BMP5: variants seen among roughly 807,000 people sequenced by gnomAD.
BMP5 encodes bone morphogenetic protein 5.
BMP5 carries 23 observed loss-of-function variants against 46.6 expected under a neutral mutation model. The ratio of observed to expected loss-of-function variants is 0.49; its 90% CI spans 0.35 to 0.70. BMP5 has a LOEUF of 0.70. BMP5 is among the 30% of genes least tolerant of loss of function. The pLI is 0.00. For missense variants in BMP5, 545 were observed against 565.6 expected, an observed-to-expected ratio of 0.96 and a Z score of 0.37; for synonymous variants, 204 against 191.9, an observed-to-expected ratio of 1.06 and a Z score of -0.52.
At chr6:55,821,106 A>C (rs1481424300) in intron 1 of BMP5, among the ~76,000 whole-genome samples, 1 of 152,186 alleles carries the variant, frequency 6.6e-6, no homozygotes, top group Non-Finnish European at 1.5e-5. Flanking sequence ...AAGCATTAAG[A>C]TTATGGAAGG....
At chr6:55,845,876 A>G (rs1472599177) in intron 1 of BMP5, among the ~76,000 whole-genome samples, 2 of 151,982 alleles carry the variant, frequency 1.3e-5, no homozygotes, top group Non-Finnish European at 2.9e-5. Context: ...GTATTTGGGA[A>G]CAAGAACACC....
chr6:55,771,525 G>A (rs889807589), intron 4 of BMP5, among the ~76,000 whole-genome samples: 12 of 151,800 alleles, frequency 7.9e-5, no homozygotes, highest in Non-Finnish European at 1.5e-4. Context: ...CTGTCAGCAC[G>A]TTAATTTACT....
intron 1 of BMP5, among the ~76,000 whole-genome samples, chr6:55,831,756 CA>C (rs1475327251): frequency 6.6e-6 from 1 of 151,968 alleles, no homozygotes; most frequent in Admixed American, 6.6e-5. Context: ...ATCTGAAGTA[CA>C]AAAAATTTCA....
intron 1 of BMP5, among the ~76,000 whole-genome samples, chr6:55,859,606 A>G (rs1777482581): frequency 6.6e-6 from 1 of 152,224 alleles, no homozygotes; most frequent in African/African-American, 2.4e-5. Flanking sequence ...TTTTTAAAGT[A>G]TAAGAGGAAA....
At chr6:55,827,313 A>C (rs1013036694) in intron 1 of BMP5, among the ~76,000 whole-genome samples, 2 of 151,690 alleles carry the variant, frequency 1.3e-5, no homozygotes, top group Non-Finnish European at 3.0e-5. Context: ...TAAATTAATC[A>C]TTTGGTATCT....
chr6:55,838,833 A>G (rs1776885587), intron 1 of BMP5, among the ~76,000 whole-genome samples: 1 of 152,208 alleles, frequency 6.6e-6, no homozygotes, highest in Admixed American at 6.5e-5. Context: ...TAAACTGTAA[A>G]TAACATGTTC....
intron 1 of BMP5, among the ~76,000 whole-genome samples, chr6:55,825,354 A>T (rs574599868): frequency 6.6e-6 from 1 of 151,902 alleles, no homozygotes; most frequent in East Asian, 1.9e-4. Context: ...ATAATTTATT[A>T]TTATATTTTG....
At chr6:55,853,389 G>C (rs1450682418) in intron 1 of BMP5, among the ~76,000 whole-genome samples, 1 of 135,360 alleles carries the variant, frequency 7.4e-6, no homozygotes, top group African/African-American at 2.8e-5. Flanking sequence ...ATAGGAAACA[G>C]AATCAAGTTT....
chr6:55,860,745 A>G (rs1333049560), intron 1 of BMP5, among the ~76,000 whole-genome samples: 1 of 152,188 alleles, frequency 6.6e-6, no homozygotes, highest in Non-Finnish European at 1.5e-5. Flanking sequence ...AACTGTACCT[A>G]CTTTTCATAA....
chr6:55,829,863 A>C (rs1024007157), intron 1 of BMP5, among the ~76,000 whole-genome samples: 2 of 151,976 alleles, frequency 1.3e-5, no homozygotes, highest in African/African-American at 2.4e-5. Context: ...TATGCATATA[A>C]AAATATTCCA....
chr6:55,827,740 A>T (rs1419472402), intron 1 of BMP5, among the ~76,000 whole-genome samples: 1 of 151,858 alleles, frequency 6.6e-6, no homozygotes, highest in East Asian at 1.9e-4. Flanking sequence ...GTCAAAAATT[A>T]GCTTAGAATA....
At chr6:55,834,883 C>T (rs143117099) in intron 1 of BMP5, among the ~76,000 whole-genome samples, 2 of 152,176 alleles carry the variant, frequency 1.3e-5, no homozygotes, top group South Asian at 2.1e-4. Flanking sequence ...AAGTTCGAGA[C>T]CAGCCTGGCT....
At chr6:55,863,509 T>C (rs1015215831) in intron 1 of BMP5, among the ~76,000 whole-genome samples, 1 of 152,172 alleles carries the variant, frequency 6.6e-6, no homozygotes, top group Non-Finnish European at 1.5e-5. Context: ...TGTGGATAAA[T>C]TGAAATAACG....
At chr6:55,785,487 C>T (rs1337827013) in intron 3 of BMP5, among the ~76,000 whole-genome samples, 3 of 151,684 alleles carry the variant, frequency 2.0e-5, no homozygotes, top group South Asian at 2.1e-4. Context: ...TTATGTTCTC[C>T]GATGTGCTTT....
At chr6:55,757,325 G>C (rs1292992536) in intron 6 of BMP5, among the ~76,000 whole-genome samples, 1 of 151,860 alleles carries the variant, frequency 6.6e-6, no homozygotes, top group Non-Finnish European at 1.5e-5. Context: ...AAGAGGCAAA[G>C]AATTTTCTGA....
At chr6:55,778,498 C>T (rs936798344) in intron 3 of BMP5, among the ~76,000 whole-genome samples, 1 of 151,786 alleles carries the variant, frequency 6.6e-6, no homozygotes, top group African/African-American at 2.4e-5. Context: ...TGTAGGCATC[C>T]AGAGTTTGTT....
chr6:55,768,640 C>T (rs551948490), intron 4 of BMP5, among the ~76,000 whole-genome samples: 131 of 152,006 alleles, frequency 8.6e-4, no homozygotes, highest in Admixed American at 2.2e-3. Context: ...ACGAAATCAC[C>T]ATGGATGTAG....
intron 3 of BMP5, among the ~76,000 whole-genome samples, chr6:55,784,281 T>C (rs943073671): frequency 1.3e-4 from 19 of 151,904 alleles, no homozygotes; most frequent in South Asian, 4.1e-4. Context: ...TTAAAATGTT[T>C]ACTGCTATGT....
intron 2 of BMP5, among the ~76,000 whole-genome samples, chr6:55,797,564 A>T (rs1467444012): frequency 6.6e-6 from 1 of 152,008 alleles, no homozygotes; most frequent in Non-Finnish European, 1.5e-5. Context: ...CATTTACATG[A>T]ATGTGCATAA....
Sources: gnomAD v4.1 joint callset for allele counts (sites outside exome capture counted in the v4.1 genomes callset) on GRCh38, gnomAD v4.1.1 for gene constraint, MANE v1.5 for transcripts, NCBI Gene and HGNC (gene_info 2026-07-23, HGNC 2026-07-21) for gene names.